Variants in TTC6 observed in about 807,000 individuals in gnomAD.
TTC6 encodes the protein tetratricopeptide repeat protein 6.
TTC6 carries 172 observed loss-of-function variants against 210.4 expected under a neutral mutation model. The observed-to-expected ratio is 0.82, with a 90% CI of 0.72 to 0.93. The LOEUF (loss-of-function observed/expected upper bound fraction) is 0.93. TTC6 is among the 40% of genes least tolerant of loss of function. The probability of loss-of-function intolerance (pLI) is 0.00; values close to 1 mark genes in which losing one functional copy is unlikely to be tolerated. For missense variants in TTC6, 2,414 were observed against 2,318.1 expected (o/e 1.04, Z -0.85); for synonymous variants, 804 against 819.6 (o/e 0.98, Z 0.32).
chr14:37,641,208 TA>T (rs2095691164), intron 1 of TTC6, among the ~76,000 whole-genome samples: 1 of 152,218 alleles, frequency 6.6e-6, no homozygotes, highest in African/African-American at 2.4e-5. Flanking sequence ...GGAAGCTGTT[TA>T]TTTTTTATTA....
chr14:37,740,671 T>A (rs980147403), intron 10 of TTC6, among the ~76,000 whole-genome samples: 2 of 152,256 alleles, frequency 1.3e-5, no homozygotes, highest in African/African-American at 4.8e-5. Flanking sequence ...CTCTGTATAC[T>A]ACATATGCTT....
chr14:37,667,167 A>G (rs946589888), intron 1 of TTC6, among the ~76,000 whole-genome samples: 8 of 150,206 alleles, frequency 5.3e-5, no homozygotes, highest in Admixed American at 5.3e-4. Context: ...CACTGTGCCT[A>G]CCGAGTCTAC....
chr14:37,796,698 A>T (rs2096093397), intron 19 of TTC6, 89 bp from the exon 22 acceptor site: 1 of 1,233,784 alleles, frequency 8.1e-7, no homozygotes, highest in South Asian at 1.5e-5. Context: ...TATTATAAAG[A>T]CAAATTATTG....
At chr14:37,802,468 A>T (rs1439196273) in intron 20 of TTC6, 1 of 152,088 alleles carries the variant, frequency 6.6e-6, no homozygotes, top group Admixed American at 6.6e-5. Flanking sequence ...TGACAACATG[A>T]ATGAGCTTGG....
At chr14:37,713,802 A>C (rs942574215) in intron 5 of TTC6, among the ~76,000 whole-genome samples, 2 of 152,160 alleles carry the variant, frequency 1.3e-5, no homozygotes, top group African/African-American at 4.8e-5. Context: ...GTATATTATT[A>C]AACAACTGAA....
At chr14:37,834,942 G>A (rs2139034286) in intron 29 of TTC6, among the ~76,000 whole-genome samples, 1 of 152,328 alleles carries the variant, frequency 6.6e-6, no homozygotes, top group South Asian at 2.1e-4. Context: ...TACTTCATCT[G>A]TAATCAACAT....
intron 17 of TTC6, 42 bp downstream of exon 19, chr14:37,792,456 T>C: frequency 7.1e-7 from 1 of 1,407,468 alleles, no homozygotes; most frequent in African/African-American, 1.5e-5. Context: ...AAAAAAACTT[T>C]AATTTTCTGG....
chr14:37,647,754 C>T (rs1016238055), intron 1 of TTC6, among the ~76,000 whole-genome samples: 2 of 151,874 alleles, frequency 1.3e-5, no homozygotes, highest in South Asian at 2.1e-4. Flanking sequence ...AGAGATGACC[C>T]GGGGGATAAG....
intron 28 of TTC6, 131 bp downstream of exon 30, chr14:37,826,478 A>G (rs1318197203): frequency 4.7e-6 from 4 of 857,576 alleles, no homozygotes; most frequent in African/African-American, 1.7e-5. Context: ...ATTTTTTTTT[A>G]ACCCAAGTGA....
intron 26 of TTC6, among the ~76,000 whole-genome samples, chr14:37,823,086 G>T (rs1406245716): frequency 6.6e-6 from 1 of 152,132 alleles, no homozygotes; most frequent in Non-Finnish European, 1.5e-5. Context: ...ATGGAGAAGT[G>T]ACTTTATATG....
intron 14 of TTC6, among the ~76,000 whole-genome samples, chr14:37,768,677 C>G (rs1228683057): frequency 6.6e-6 from 1 of 151,068 alleles, no homozygotes; most frequent in Non-Finnish European, 1.5e-5. Flanking sequence ...GCTGAAGTTG[C>G]TTATCAGCTT....
At position 37,796,804 on chromosome 14, in the gene TTC6, C is replaced by T. The variant is rs149924906; in HGVS notation, c.3886C>T (p.Pro1296Ser). Reference sequence around the variant, plus strand: ...CCTTTTAGGTCTCAGTGAGTTGAGTCCTATGCAGCAAGCCCTTATTTATTC... The same window carrying T: ...CCTTTTAGGTCTCAGTGAGTTGAGTTCTATGCAGCAAGCCCTTATTTATTC... The change falls in exon 20 of 31, where the codon CCT becomes TCT. Residue 1296 changes from proline (P) to serine (S), a missense_variant. Transcript: ENST00000553443. The T allele has an allele frequency of 1.1e-5, 17 of 1,605,358 alleles. No individual in the cohort carries two copies. The African/African-American group carries it at 1.6e-4, about 15-fold the overall frequency.
chr14:37,756,473 A>G (rs2095968136), intron 14 of TTC6, among the ~76,000 whole-genome samples: 1 of 152,122 alleles, frequency 6.6e-6, no homozygotes, highest in Middle Eastern at 3.2e-3. Flanking sequence ...TGTGTGATAT[A>G]TATTATGGGT....
intron 1 of TTC6, among the ~76,000 whole-genome samples, chr14:37,602,473 C>T (rs1373991514): frequency 6.6e-6 from 1 of 152,102 alleles, no homozygotes; most frequent in African/African-American, 2.4e-5. Flanking sequence ...TTATTTGCCA[C>T]GAAAGCAGGA....
At chr14:37,623,089 T>G (rs1343240636) in intron 1 of TTC6, 86 bp downstream of exon 3, 1 of 940,524 alleles carries the variant, frequency 1.1e-6, no homozygotes, top group Non-Finnish European at 1.5e-6. Flanking sequence ...TTATGGATAA[T>G]ATTTCAGTGC....
chr14:37,616,637 C>A (rs1029337107), intron 2 of TTC6, among the ~76,000 whole-genome samples: 1 of 150,920 alleles, frequency 6.6e-6, no homozygotes, highest in African/African-American at 2.4e-5. Flanking sequence ...ACGGAGCTTG[C>A]GGTGAGCGAA....
chr14:37,690,790 C>T lies in TTC6; in HGVS notation c.1258-5927C>T, dbSNP rs114788878. On this transcript the variant is annotated intron_variant, in intron 3 of 30. Transcript: ENST00000553443. ...TACAATAGCTGAAAACTTCAACATC[C>T]CACCTACAGCATTGGACAGGTCTTA... 1.1e-3 allele frequency among the ~76,000 whole-genome samples: 173 copies of T among 151,824 alleles called. 1 individual carries two copies. Among genetic ancestry groups the T allele is most frequent in the African/African-American group, 4.1e-3 (168 of 41,184 alleles).
chr14:37,599,490 G>A (rs2095611160), intron 1 of TTC6, among the ~76,000 whole-genome samples: 1 of 152,274 alleles, frequency 6.6e-6, no homozygotes, highest in South Asian at 2.1e-4. Context: ...TTATTTTATT[G>A]AAGCAAACAA....
chr14:37,626,198 ATGTT>A (rs138902382), intron 1 of TTC6, among the ~76,000 whole-genome samples: 29,310 of 152,070 alleles, frequency 0.19, 3,171 homozygotes, highest in South Asian at 0.26. Context: ...AATGTTATGA[ATGTT>A]TGTTTGTTTT....
Sources: gnomAD v4.1 joint callset for allele counts (sites outside exome capture counted in the v4.1 genomes callset) on GRCh38, gnomAD v4.1.1 for gene constraint, MANE v1.5 for transcripts, NCBI Gene and HGNC (gene_info 2026-07-23, HGNC 2026-07-21) for gene names.